Variants in LILRB1 observed in about 807,000 individuals in gnomAD.
LILRB1 encodes leukocyte immunoglobulin like receptor B1, also known as leukocyte immunoglobulin-like receptor subfamily B member 1.
Under a neutral mutation model 74.6 loss-of-function variants are expected in LILRB1, and 59 were observed. That is an observed-to-expected ratio of 0.79 (90% CI 0.64 to 0.98). LILRB1 has a LOEUF of 0.98. Ranked by LOEUF, LILRB1 falls within the 50% of genes least tolerant of loss-of-function variation. The pLI is 0.00. For missense variants in LILRB1, 804 were observed against 822.6 expected, an observed-to-expected ratio of 0.98 and a Z score of 0.28; for synonymous variants, 328 against 333.9, an observed-to-expected ratio of 0.98 and a Z score of 0.19.
intron 1 of LILRB1, among the ~76,000 whole-genome samples, chr19:54,617,960 G>T (rs2063352595): frequency 6.6e-6 from 1 of 151,846 alleles, no homozygotes; most frequent in Non-Finnish European, 1.5e-5. Flanking sequence ...AACTTAGCCA[G>T]GCAGTAGTGG....
At chr19:54,629,138 A>T (rs1193451710), upstream of LILRB1, among the ~76,000 whole-genome samples, 1 of 152,058 alleles carries the variant, frequency 6.6e-6, no homozygotes, top group Admixed American at 6.5e-5. Flanking sequence ...ACTTTTTTCA[A>T]CCAAACGGGG....
chr19:54,624,526 G>T (rs1278574591), intron 1 of LILRB1, among the ~76,000 whole-genome samples: 4 of 152,104 alleles, frequency 2.6e-5, no homozygotes, highest in Admixed American at 2.6e-4. Flanking sequence ...GGTGGGATGT[G>T]GGGCTTCTGC....
At chr19:54,635,061 C>T (rs2064272225) in intron 10 of LILRB1, 43 bp from the exon 11 acceptor site, 1 of 1,316,444 alleles carries the variant, frequency 7.6e-7, no homozygotes, top group African/African-American at 1.5e-5. Context: ...GGGCAGGGGG[C>T]TCCAATGTTC....
chr19:54,617,573 G>GTGTGTGTGTA (rs1279927558), intron 1 of LILRB1, among the ~76,000 whole-genome samples: 2 of 151,272 alleles, frequency 1.3e-5, no homozygotes, highest in Non-Finnish European at 2.9e-5. Flanking sequence ...GTGTGTGTGT[G>GTGTGTGTGTA]TGTGTGTGTG....
chr19:54,631,397 T>C, intron 3 of LILRB1, 91 bp downstream of exon 3: 4 of 1,612,478 alleles, frequency 2.5e-6, no homozygotes, highest in South Asian at 2.2e-5. Flanking sequence ...ATAGCAGTTC[T>C]GGGCTGACTG....
chr19:54,634,119 A>C, intron 9 of LILRB1, 98 bp downstream of exon 9: 1 of 1,541,116 alleles, frequency 6.5e-7, no homozygotes, highest in Non-Finnish European at 8.8e-7. Context: ...GGTGATATAG[A>C]CAGGCTCCTC....
chr19:54,620,199 G>A (rs1021463861), intron 1 of LILRB1, among the ~76,000 whole-genome samples: 1 of 152,090 alleles, frequency 6.6e-6, no homozygotes, highest in African/African-American at 2.4e-5. Flanking sequence ...TGATTACCAA[G>A]AAGATAGTTG....
At position 54,634,646 on chromosome 19, in the gene LILRB1, G is replaced by C; in HGVS notation, c.1369G>C (p.Gly457Arg). 1 of 1,613,020 alleles carries C rather than the reference G, an allele frequency of 6.2e-7. No individual in the cohort carries two copies. ...PTGSDPQSGL[G>R]RHLGVVIGIL... ...CTGACATCATCGTGCTCAAGGTCTG[G>C]GAAGGCACCTGGGGGTTGTGATCGG... Residue 457 changes from glycine (G) to arginine (R), a missense_variant, in exon 10 of 15, where the codon GGA (glycine) becomes CGA (arginine). Transcript: ENST00000324602.
chr19:54,631,029 C>A lies in LILRB1; in HGVS notation c.-45C>A. 6.2e-7 allele frequency: 1 copy of A among 1,614,242 alleles called. No individual in the cohort carries two copies. The highest frequency in any genetic ancestry group is 8.5e-7 in the Non-Finnish European group (1 of 1,180,040). The stretch of plus-strand genomic sequence containing the variant: ...GTGTGTCTCTCTATCCTGCCAGCAC[C>A]GAGGGCTCATCCATCCACAGAGCAG... On this transcript the variant is annotated 5_prime_UTR_variant, in exon 2 of 15. Coordinates refer to ENST00000324602, the MANE Select transcript of LILRB1 (RefSeq NM_001081637.3).
chr19:54,636,056 C>G (rs755892653), intron 13 of LILRB1: 3 of 542,270 alleles, frequency 5.5e-6, no homozygotes, highest in African/African-American at 3.8e-5. Flanking sequence ...ATAAATGTGC[C>G]GCCTCCAGGA....
rs925704267 is a variant in LILRB1, at chr19:54,631,365, C to A, written c.70+59C>A. The A allele has an allele frequency of 8.7e-6, 14 of 1,613,398 alleles. No individual in the cohort carries two copies. In the African/African-American group the frequency reaches 1.7e-4, roughly 20 times the overall value. ...TCCTCACTGGGGACAAGGGGCCACC[C>A]CCGTGCCGCTGGGGATGGGGAATAG... On this transcript the variant is annotated intron_variant, in intron 3 of 14. Coordinates refer to ENST00000324602, the MANE Select transcript of LILRB1 (RefSeq NM_001081637.3).
intron 8 of LILRB1, 83 bp downstream of exon 8, chr19:54,633,771 T>C (rs1368800848): frequency 2.7e-6 from 4 of 1,508,474 alleles, no homozygotes; most frequent in Non-Finnish European, 3.6e-6. Flanking sequence ...CCCATTCCCC[T>C]CAAAGACTCG....
intron 1 of LILRB1, among the ~76,000 whole-genome samples, chr19:54,620,585 C>T (rs111632735): frequency 1.3e-3 from 198 of 152,202 alleles, no homozygotes; most frequent in African/African-American, 4.6e-3. Flanking sequence ...GAGGTTATTC[C>T]AGAGAGAACA....
chr19:54,625,396 G>A (rs1480344084), intron 1 of LILRB1, among the ~76,000 whole-genome samples: 1 of 152,026 alleles, frequency 6.6e-6, no homozygotes, highest in Non-Finnish European at 1.5e-5. Flanking sequence ...GTGGCAGCTG[G>A]ACCCAGGCTG....
At chr19:54,636,392 C>G in intron 13 of LILRB1, 102 bp from the exon 14 acceptor site, 1 of 1,550,264 alleles carries the variant, frequency 6.5e-7, no homozygotes, top group Non-Finnish European at 8.7e-7. Context: ...GAGATTCCAT[C>G]GGGAAAGGGA....
upstream of LILRB1, among the ~76,000 whole-genome samples, chr19:54,626,138 C>G (rs2063581187): frequency 2.0e-5 from 3 of 152,232 alleles, no homozygotes; most frequent in African/African-American, 7.2e-5. Flanking sequence ...AGACTCCAGC[C>G]CTTTCCATTC....
chr19:54,631,837 G>C, intron 4 of LILRB1, 50 bp downstream of exon 4: 3 of 1,607,498 alleles, frequency 1.9e-6, no homozygotes, highest in Non-Finnish European at 1.7e-6. Flanking sequence ...CTCAGGAAGG[G>C]GGACGGCTCT....
At chr19:54,631,437 G>A (rs1745975965) in intron 3 of LILRB1, 63 bp from the exon 4 acceptor site, 1 of 1,602,602 alleles carries the variant, frequency 6.2e-7, no homozygotes, top group Non-Finnish European at 8.5e-7. Context: ...CCTGGGCTGA[G>A]AGCTGGAATC....
At chr19:54,636,231 G>C in intron 13 of LILRB1, 1 of 659,976 alleles carries the variant, frequency 1.5e-6, no homozygotes, top group Non-Finnish European at 2.6e-6. Flanking sequence ...GCAGGCAGAG[G>C]AAACAACCCT....
Sources: allele counts gnomAD v4.1 joint callset (sites outside exome capture counted in the v4.1 genomes callset), GRCh38; gene constraint gnomAD v4.1.1; transcripts MANE v1.5; gene names NCBI Gene and HGNC (gene_info 2026-07-23, HGNC 2026-07-21).